The following DSCAM variants were observed in gnomAD, a reference collection of about 807,000 sequenced individuals.
DSCAM encodes DS cell adhesion molecule, also known as cell adhesion molecule DSCAM.
A neutral mutation model predicts 217.7 loss-of-function variants in DSCAM; 47 were observed. That is an observed-to-expected ratio of 0.22 (90% CI 0.17 to 0.28). The LOEUF is 0.28. Among genes scored for constraint, DSCAM ranks in the 10% least tolerant of loss-of-function variants. The probability of loss-of-function intolerance (pLI) is 1.00; values close to 1 mark genes in which losing one functional copy is unlikely to be tolerated. For synonymous variants in DSCAM, 1,056 were observed against 1,015.3 expected (o/e 1.04, Z -0.76); for missense variants, 2,080 against 2,618.3 (o/e 0.79, Z 4.49).
chr21:40,015,209 G>C (rs533165203), intron 32 of DSCAM, among the ~76,000 whole-genome samples: 1 of 151,978 alleles, frequency 6.6e-6, no homozygotes, highest in African/African-American at 2.4e-5. Flanking sequence ...ATTTCCACAC[G>C]AGTGTCCATC....
chr21:40,477,900 T>C (rs981718330), intron 3 of DSCAM, among the ~76,000 whole-genome samples: 6 of 152,158 alleles, frequency 3.9e-5, no homozygotes, highest in African/African-American at 1.4e-4. Flanking sequence ...TTTAACTGAA[T>C]AGCCCAGCTG....
intron 14 of DSCAM, among the ~76,000 whole-genome samples, chr21:40,186,131 G>A (rs66564794): frequency 0.32 from 48,879 of 151,934 alleles, 8,300 homozygotes; most frequent in African/African-American, 0.44. Context: ...CTGAATTCCC[G>A]AAGAGTCACC....
intron 11 of DSCAM, among the ~76,000 whole-genome samples, chr21:40,192,480 T>C (rs56347101): frequency 0.13 from 19,385 of 152,150 alleles, 3,442 homozygotes; most frequent in African/African-American, 0.4. Context: ...TGAAGAAGCA[T>C]ATGTTTGCTT....
chr21:40,126,779 G>C (rs988568416), intron 19 of DSCAM, among the ~76,000 whole-genome samples: 2 of 152,046 alleles, frequency 1.3e-5, no homozygotes, highest in African/African-American at 4.8e-5. Flanking sequence ...ACTCGCAGTT[G>C]GCTCCTCCTG....
chr21:40,259,189 GAA>G (rs1293958897), intron 11 of DSCAM, among the ~76,000 whole-genome samples: 1 of 151,826 alleles, frequency 6.6e-6, no homozygotes, highest in African/African-American at 2.4e-5. Context: ...TAGGAAAAAG[GAA>G]AAATGAAGAG....
chr21:40,153,808 G>A (rs1000431767), intron 16 of DSCAM, among the ~76,000 whole-genome samples: 10 of 152,126 alleles, frequency 6.6e-5, no homozygotes, highest in Non-Finnish European at 1.3e-4. Context: ...TTATCACTGG[G>A]AGTCACTCAG....
At chr21:40,152,839 C>A (rs1292214119) in intron 16 of DSCAM, among the ~76,000 whole-genome samples, 8 of 149,336 alleles carry the variant, frequency 5.4e-5, no homozygotes, top group Admixed American at 5.3e-4. Flanking sequence ...TGCTGAAGAC[C>A]ACCAGCCATG....
At chr21:40,546,598 G>A (rs2076584803) in intron 3 of DSCAM, among the ~76,000 whole-genome samples, 1 of 152,136 alleles carries the variant, frequency 6.6e-6, no homozygotes, top group Non-Finnish European at 1.5e-5. Flanking sequence ...AATACATGGG[G>A]TTTTCCTCCC....
At chr21:40,325,749 G>C (rs2074310398) in intron 8 of DSCAM, among the ~76,000 whole-genome samples, 1 of 152,172 alleles carries the variant, frequency 6.6e-6, no homozygotes, top group African/African-American at 2.4e-5. Context: ...AATCAGCTTT[G>C]TCACAAATAG....
At chr21:40,368,227 C>T (rs1378569381) in intron 4 of DSCAM, among the ~76,000 whole-genome samples, 1 of 152,148 alleles carries the variant, frequency 6.6e-6, no homozygotes, top group African/African-American at 2.4e-5. Flanking sequence ...CTCTTTAACA[C>T]AAAGAGGACG....
At chr21:40,427,026 G>A (rs750597737) in intron 3 of DSCAM, among the ~76,000 whole-genome samples, 2 of 152,168 alleles carry the variant, frequency 1.3e-5, no homozygotes, top group Admixed American at 6.5e-5. Context: ...GCTGTCAGCC[G>A]TCTGAGATAC....
intron 3 of DSCAM, among the ~76,000 whole-genome samples, chr21:40,672,275 T>A (rs538672808): frequency 6.6e-6 from 1 of 152,304 alleles, no homozygotes; most frequent in Admixed American, 6.5e-5. Flanking sequence ...TGGTGGTCTT[T>A]AGTTTAGCTT....
intron 3 of DSCAM, among the ~76,000 whole-genome samples, chr21:40,671,543 G>A (rs1452583181): frequency 6.6e-6 from 1 of 151,908 alleles, no homozygotes; most frequent in African/African-American, 2.4e-5. Context: ...AAATTAGCCA[G>A]GTGTGGTGGG....
chr21:40,717,434 T>C (rs908966877), intron 1 of DSCAM, among the ~76,000 whole-genome samples: 1 of 152,238 alleles, frequency 6.6e-6, no homozygotes, highest in African/African-American at 2.4e-5. Flanking sequence ...ACAGCCTACA[T>C]GTCTATCCCC....
At position 40,399,286 on chromosome 21, in the gene DSCAM, CAAAACAAAACAAAACA is replaced by C. The variant is rs944329150; in HGVS notation, c.509-30057_509-30042del. Among the ~76,000 whole-genome samples the C allele has an allele frequency of 4.0e-5, 6 of 150,216 alleles. No individual in the cohort carries two copies. In the East Asian group the frequency reaches 1.2e-3, roughly 30 times the overall value. On this transcript the variant is annotated intron_variant, in intron 3 of 32. Coordinates refer to ENST00000400454, the MANE Select transcript of DSCAM (RefSeq NM_001389.5). ...CCCTGTCTCACAAAACAAAACAAAA[CAAAACAAAACAAAACA>C]AAACAAAACATAGGAGTCCAAAGAT...
At chr21:40,461,584 AT>A (rs1361881243) in intron 3 of DSCAM, among the ~76,000 whole-genome samples, 1 of 151,998 alleles carries the variant, frequency 6.6e-6, no homozygotes, top group African/African-American at 2.4e-5. Flanking sequence ...TAATGTCCCA[AT>A]CCCCCCACAA....
At chr21:40,359,417 G>A (rs572287509) in intron 4 of DSCAM, among the ~76,000 whole-genome samples, 75 of 152,172 alleles carry the variant, frequency 4.9e-4, no homozygotes, top group Admixed American at 8.5e-4. Context: ...GCCAAAACAA[G>A]TTGGCATTTT....
At chr21:40,325,825 G>T (rs773190326) in intron 8 of DSCAM, among the ~76,000 whole-genome samples, 1 of 152,168 alleles carries the variant, frequency 6.6e-6, no homozygotes, top group Non-Finnish European at 1.5e-5. Flanking sequence ...AAGTAAACTG[G>T]TATAGGAATT....
At chr21:40,073,650 T>C (rs2089326144) in intron 27 of DSCAM, among the ~76,000 whole-genome samples, 1 of 152,220 alleles carries the variant, frequency 6.6e-6, no homozygotes. Flanking sequence ...TCCGTCCTTC[T>C]TTTTCACTGA....
Sources: gnomAD v4.1 joint callset for allele counts (sites outside exome capture counted in the v4.1 genomes callset) on GRCh38, gnomAD v4.1.1 for gene constraint, MANE v1.5 for transcripts, NCBI Gene and HGNC (gene_info 2026-07-23, HGNC 2026-07-21) for gene names.